The following NOMO2 variants were observed in gnomAD, a reference collection of about 807,000 sequenced individuals.
The protein encoded by NOMO2 is BOS complex subunit NOMO2.
In NOMO2, 14 loss-of-function variants were observed where a neutral mutation model predicts 67.1. That is an observed-to-expected ratio of 0.21 (90% CI 0.14 to 0.33). NOMO2 has a LOEUF of 0.33. Among genes scored for constraint, NOMO2 ranks in the 10% least tolerant of loss-of-function variants. The probability of loss-of-function intolerance (pLI) is 1.00; values close to 1 mark genes in which losing one functional copy is unlikely to be tolerated. For missense variants in NOMO2, 178 were observed against 761.0 expected (o/e 0.23, Z 9.01); for synonymous variants, 80 against 305.9 (o/e 0.26, Z 7.71).
chr16:18,561,867 G>A lies in NOMO2; in HGVS notation c.165+9C>T, dbSNP rs769270666. Reference sequence around the variant, plus strand: ...CGACTCGGCGCCGGGCGGCGGGGCGGGCGCTCACCTCGATGAGCGAGTAGT... The same window carrying A: ...CGACTCGGCGCCGGGCGGCGGGGCGAGCGCTCACCTCGATGAGCGAGTAGT... On this transcript the variant is annotated intron_variant, in intron 1 of 30. Transcript: ENST00000622306. The A allele has an allele frequency of 5.8e-5, 90 of 1,549,462 alleles. 1 individual carries two copies. The highest frequency in any genetic ancestry group is 9.9e-5 in the Admixed American group (5 of 50,738).
chr16:18,544,908 C>T (rs1224538042), intron 6 of NOMO2, among the ~76,000 whole-genome samples: 2 of 151,800 alleles, frequency 1.3e-5, no homozygotes, highest in African/African-American at 4.8e-5. Flanking sequence ...GAAGTGCCCT[C>T]ACACTTGCTT....
At chr16:18,555,856 G>A (rs879960136) in intron 2 of NOMO2, among the ~76,000 whole-genome samples, 2 of 84,260 alleles carry the variant, frequency 2.4e-5, no homozygotes, top group East Asian at 2.8e-4. Flanking sequence ...CGATCCACCT[G>A]CCTCAACCTC....
At chr16:18,531,413 T>C (rs576429618) in intron 13 of NOMO2, 53 bp downstream of exon 13, 2 of 1,613,332 alleles carry the variant, frequency 1.2e-6, no homozygotes, top group Admixed American at 1.7e-5. Context: ...ATCCCACTCC[T>C]ACTGGCTGAC....
At position 18,553,838 on chromosome 16, in the gene NOMO2, A is replaced by G. The variant is rs549839048; in HGVS notation, c.301+969T>C. Among the ~76,000 whole-genome samples the G allele has an allele frequency of 5.8e-4, 81 of 139,558 alleles. 1 individual carries two copies. Among genetic ancestry groups the G allele is most frequent in the Middle Eastern group, 3.5e-3 (1 of 284 alleles). 91.6% of individuals were successfully genotyped at this position (139,558 alleles called of 152,430 possible). On this transcript the variant is annotated intron_variant, in intron 3 of 30. Coordinates refer to ENST00000622306, the MANE Select transcript of NOMO2 (RefSeq NM_173614.4). ...CCCTACCCCTGACTATAAACTGATA[A>G]AAGAGCTGCTCTCACAGAGCCAAAT... is the stretch of plus-strand genomic sequence containing the variant.
chr16:18,556,241 AG>A (rs1265968792), intron 2 of NOMO2, among the ~76,000 whole-genome samples: 1 of 149,312 alleles, frequency 6.7e-6, no homozygotes, highest in Admixed American at 6.7e-5. Context: ...ACCTGAGGTC[AG>A]GAGTTCAAAA....
intron 1 of NOMO2, among the ~76,000 whole-genome samples, chr16:18,560,380 T>G (rs1246898297): frequency 6.6e-6 from 1 of 151,290 alleles, no homozygotes; most frequent in African/African-American, 2.4e-5. Flanking sequence ...GCCTGTCTTT[T>G]CCTTCCTTCC....
chr16:18,539,031 T>G (rs1901488889), intron 9 of NOMO2, 67 bp from the exon 10 acceptor site: 2 of 1,515,370 alleles, frequency 1.3e-6, no homozygotes, highest in East Asian at 2.3e-5. Context: ...AAAGCCTCCT[T>G]CTGCTGCGCC....
chr16:18,520,400 A>ATCCC (rs1901032040), intron 20 of NOMO2, among the ~76,000 whole-genome samples, 197 bp downstream of exon 20: 1 of 146,874 alleles, frequency 6.8e-6, no homozygotes, highest in African/African-American at 2.5e-5. Context: ...CCATCCATCC[A>ATCCC]TCCATCCAAC....
rs1023204599 is a variant in NOMO2, at chr16:18,539,029, C to T, written c.964-65G>A. 3.9e-5 allele frequency: 60 copies of T among 1,555,410 alleles called. 1 individual carries two copies. Among genetic ancestry groups the T allele is most frequent in the Non-Finnish European group, 5.3e-5 (60 of 1,128,948 alleles). On this transcript the variant is annotated intron_variant, in intron 9 of 30. Coordinates refer to ENST00000622306, the MANE Select transcript of NOMO2 (RefSeq NM_173614.4). ...TCCTGTGCCAGAGCCACAAAGCCTC[C>T]TTCTGCTGCGCCGGCCACCACCTAC...
At chr16:18,559,343 A>G (rs1901985649) in intron 1 of NOMO2, among the ~76,000 whole-genome samples, 1 of 151,658 alleles carries the variant, frequency 6.6e-6, no homozygotes, top group Non-Finnish European at 1.5e-5. Flanking sequence ...CATGTCTGTA[A>G]AAGGAAGCAG....
intron 7 of NOMO2, chr16:18,542,959 C>A (rs1238227050): frequency 7.1e-6 from 2 of 279,918 alleles, no homozygotes; most frequent in African/African-American, 6.0e-5. Flanking sequence ...ACTGTCCTTC[C>A]TTATCATGGG....
chr16:18,533,171 A>G lies in NOMO2; in HGVS notation c.1229T>C (p.Val410Ala), dbSNP rs765321940. 5.1e-5 allele frequency: 82 copies of G among 1,611,324 alleles called. 1 individual carries two copies. The highest frequency in any genetic ancestry group is 6.1e-5 in the Non-Finnish European group (72 of 1,179,738). ...GCGAATGATTGATATCCGACCACAG[A>G]CACTGAACCTGCAAAGAGAAGACCA... Reference protein sequence around the residue: ...LADIVATGFSVCGRISIIRFP... With the variant: ...LADIVATGFSACGRISIIRFP... Residue 410 changes from valine (V) to alanine (A), a missense_variant, in exon 12 of 31, where the codon GTC becomes GCC. By Grantham distance (64) the Val-to-Ala change is moderately conservative (BLOSUM62 0). Coordinates refer to ENST00000622306, the MANE Select transcript of NOMO2 (RefSeq NM_173614.4).
chr16:18,536,187 C>T (rs1034225460), intron 11 of NOMO2, among the ~76,000 whole-genome samples: 37 of 152,128 alleles, frequency 2.4e-4, no homozygotes, highest in Non-Finnish European at 4.0e-4. Flanking sequence ...GCTCCCTGAC[C>T]TCACCCACCT....
rs1395565974 is a variant in NOMO2 at position 18,554,155 on chromosome 16, T to C, written c.301+652A>G. Among the ~76,000 whole-genome samples, 7 of 152,002 alleles carry C rather than the reference T, an allele frequency of 4.6e-5. 2 individuals carry two copies. Among genetic ancestry groups the C allele is most frequent in the African/African-American group, 1.7e-4 (7 of 41,372 alleles). On this transcript the variant is annotated intron_variant, in intron 3 of 30. Transcript: ENST00000622306. ...TATGAGGAAAGTTTGGAGCTTTTGT[T>C]GGGATGTGTGCAGAAGGGCTGTTTC...
At position 18,561,294 on chromosome 16, in the gene NOMO2, G is replaced by C. The variant is rs569576322; in HGVS notation, c.165+582C>G. Among the ~76,000 whole-genome samples, 11 of 151,388 alleles carry C rather than the reference G, an allele frequency of 7.3e-5. No individual in the cohort carries two copies. In the East Asian group the frequency reaches 2.2e-3, roughly 30 times the overall value. On this transcript the variant is annotated intron_variant, in intron 1 of 30. Transcript: ENST00000622306. ...AACTCTCCATTTTCAGAAGTGGAGG[G>C]GAGCCGGAGAAATAAAAAATAGCTT... is the stretch of plus-strand genomic sequence containing the variant.
rs551095471 is a variant in NOMO2, at chr16:18,557,051, TG to T, written c.255+650del. 4.5e-3 allele frequency among the ~76,000 whole-genome samples: 685 copies of T among 151,618 alleles called. 3 individuals carry two copies. Among genetic ancestry groups the T allele is most frequent in the Non-Finnish European group, 8.2e-3 (556 of 67,864 alleles). On this transcript the variant is annotated intron_variant, in intron 2 of 30. Coordinates refer to ENST00000622306, the MANE Select transcript of NOMO2 (RefSeq NM_173614.4). ...CCTAGGAAGGAAAATGGCTTGAACC[TG>T]GGGGGTGGAGGTTGGAGTGAGGCAA...
chr16:18,554,562 G>A (rs1901862521), intron 3 of NOMO2, among the ~76,000 whole-genome samples: 1 of 149,692 alleles, frequency 6.7e-6, no homozygotes, highest in African/African-American at 2.5e-5. Context: ...CAAGGGAAGA[G>A]TTTCCAGAAA....
chr16:18,537,218 C>CAGTTAGGTGGCCAA (rs2141729862), intron 11 of NOMO2, among the ~76,000 whole-genome samples: 1 of 152,190 alleles, frequency 6.6e-6, no homozygotes, highest in East Asian at 1.9e-4. Flanking sequence ...TCTGAACCCT[C>CAGTTAGGTGGCCAA]ATCACCTAAC....
At chr16:18,546,307 A>G (rs1901662127) in intron 6 of NOMO2, among the ~76,000 whole-genome samples, 1 of 60,538 alleles carries the variant, frequency 1.7e-5, no homozygotes. Context: ...AAAAGACTGT[A>G]TCTGGCCGAG....
Sources: gnomAD v4.1 joint callset for allele counts (sites outside exome capture counted in the v4.1 genomes callset) on GRCh38, gnomAD v4.1.1 for gene constraint, MANE v1.5 for transcripts, NCBI Gene and HGNC (gene_info 2026-07-23, HGNC 2026-07-21) for gene names.